The following FILIP1L variants were observed in gnomAD, a reference collection of about 807,000 sequenced individuals.
FILIP1L encodes the protein filamin A interacting protein 1 like, also known as filamin A-interacting protein 1-like.
FILIP1L carries 55 observed loss-of-function variants against 96.6 expected under a neutral mutation model. The ratio of observed to expected loss-of-function variants is 0.57; its 90% CI spans 0.46 to 0.71. The LOEUF is 0.71. Among genes scored for constraint, FILIP1L ranks in the 30% least tolerant of loss-of-function variants. The pLI, the probability that FILIP1L is intolerant of heterozygous loss-of-function variation, is 0.00. For missense variants in FILIP1L, 1,304 were observed against 1,321.2 expected (o/e 0.99, Z 0.20); for synonymous variants, 467 against 473.9 (o/e 0.99, Z 0.19).
At position 99,900,535 on chromosome 3, in the gene FILIP1L, G is replaced by A. The variant is rs1706401799; in HGVS notation, c.605+23695C>T. Among the ~76,000 whole-genome samples the A allele has an allele frequency of 3.3e-5, 5 of 152,178 alleles. No homozygotes were observed. The South Asian group carries it at 1.0e-3, about 31-fold the overall frequency. ...ATAGACAAGATTTCAAACCAAGGAA[G>A]TTTGGCCCCAAATGCCATACCTTTA... On this transcript the variant is annotated intron_variant, in intron 4 of 5. Coordinates refer to ENST00000477258, the MANE Select transcript of FILIP1L (RefSeq NM_001387850.1).
At chr3:99,924,201 G>A in intron 4 of FILIP1L, 29 bp downstream of exon 4, 1 of 1,596,162 alleles carries the variant, frequency 6.3e-7, no homozygotes, top group Non-Finnish European at 8.6e-7. Context: ...ATTGCAGAAT[G>A]GGACATTGTT....
chr3:99,983,446 GTATATATATATA>G (rs1442427209), intron 1 of FILIP1L, among the ~76,000 whole-genome samples: 40,412 of 87,798 alleles, frequency 0.46, 10,975 homozygotes, highest in Middle Eastern at 0.6. Flanking sequence ...ATATATGTAT[GTATATATATATA>G]TGTGTGTATA....
intron 1 of FILIP1L, among the ~76,000 whole-genome samples, chr3:100,019,026 T>C (rs1372106939): frequency 5.3e-5 from 8 of 152,104 alleles, no homozygotes; most frequent in Admixed American, 1.3e-4. Context: ...ATGACTGTTA[T>C]CAAAAAGATC....
chr3:99,992,797 G>A (rs751081664), intron 1 of FILIP1L, among the ~76,000 whole-genome samples: 2 of 151,970 alleles, frequency 1.3e-5, no homozygotes, highest in Non-Finnish European at 2.9e-5. Flanking sequence ...TATGGTTTCA[G>A]ATCTTACATT....
At chr3:99,836,687 C>G (rs1942912204) in intron 5 of FILIP1L, among the ~76,000 whole-genome samples, 1 of 152,206 alleles carries the variant, frequency 6.6e-6, no homozygotes, top group Non-Finnish European at 1.5e-5. Flanking sequence ...AAGAATATAA[C>G]TAGTTCTGAG....
intron 1 of FILIP1L, among the ~76,000 whole-genome samples, chr3:100,090,543 G>A (rs1285522956): frequency 1.3e-5 from 2 of 152,310 alleles, no homozygotes; most frequent in African/African-American, 4.8e-5. Flanking sequence ...CCAGTGGTAG[G>A]TTATGAAACT....
chr3:100,105,838 C>CAAGTAGTTTTTTGAAAGGAGTTGT, intron 1 of FILIP1L, among the ~76,000 whole-genome samples: 1 of 152,128 alleles, frequency 6.6e-6, no homozygotes, highest in African/African-American at 2.4e-5. Flanking sequence ...TCCTGGGATG[C>CAAGTAGTTTTTTGAAAGGAGTTGT]AAGTAGTTTT....
chr3:100,094,430 T>C (rs949968373), intron 1 of FILIP1L, among the ~76,000 whole-genome samples: 1 of 152,188 alleles, frequency 6.6e-6, no homozygotes, highest in African/African-American at 2.4e-5. Flanking sequence ...AGTCTTTTGT[T>C]TTGATACAGT....
At chr3:99,841,909 G>A (rs1342616459) in intron 5 of FILIP1L, among the ~76,000 whole-genome samples, 1 of 152,140 alleles carries the variant, frequency 6.6e-6, no homozygotes, top group Non-Finnish European at 1.5e-5. Context: ...GTACGAGCAT[G>A]GAAAACAGTG....
chr3:99,834,855 C>T (rs1942831976), intron 5 of FILIP1L, among the ~76,000 whole-genome samples: 1 of 152,128 alleles, frequency 6.6e-6, no homozygotes, highest in Non-Finnish European at 1.5e-5. Context: ...AACACTTTAC[C>T]CATGTAAACC....
chr3:99,859,723 G>T (rs563462042), intron 4 of FILIP1L, among the ~76,000 whole-genome samples: 28 of 152,252 alleles, frequency 1.8e-4, no homozygotes, highest in Admixed American at 8.5e-4. Flanking sequence ...CTAGCAGTTT[G>T]CAGAGTAATT....
At position 99,850,124 on chromosome 3, in the gene FILIP1L, A is replaced by AT. The variant is rs780900196; in HGVS notation, c.1551dup (p.Leu518IlefsTer14). The stretch of plus-strand genomic sequence containing the variant: ...TGAAGCTGAGAAGAAGCAGCTTGTA[A>AT]TTTATCTTCAGTTTTCTTTAATTTT... On this transcript the variant is annotated frameshift_variant, in exon 5 of 6. Transcript: ENST00000477258. LOFTEE classifies it high-confidence loss of function. 1 of 1,612,484 alleles carries AT rather than the reference A, an allele frequency of 6.2e-7. No individual in the cohort carries two copies. The highest frequency in any genetic ancestry group is 1.7e-5 in the Admixed American group (1 of 59,728).
intron 1 of FILIP1L, among the ~76,000 whole-genome samples, chr3:100,100,004 G>A (rs149817121): frequency 4.6e-5 from 7 of 152,298 alleles, no homozygotes; most frequent in African/African-American, 7.2e-5. Flanking sequence ...AAAAAAGTTT[G>A]ACACAGTTGT....
At chr3:99,945,031 A>C (rs1336691626) in intron 1 of FILIP1L, among the ~76,000 whole-genome samples, 3 of 152,196 alleles carry the variant, frequency 2.0e-5, no homozygotes, top group Non-Finnish European at 2.9e-5. Flanking sequence ...AACAGCTTTT[A>C]GACTCTGCTT....
At chr3:99,970,209 G>T (rs765867424) in intron 1 of FILIP1L, among the ~76,000 whole-genome samples, 1 of 152,216 alleles carries the variant, frequency 6.6e-6, no homozygotes, top group African/African-American at 2.4e-5. Context: ...TGAAGGCATA[G>T]AAATAATAAG....
chr3:99,983,480 A>ATGTGTG (rs1559713756), intron 1 of FILIP1L, among the ~76,000 whole-genome samples: 2 of 22,486 alleles, frequency 8.9e-5, no homozygotes, highest in Non-Finnish European at 1.9e-4. Flanking sequence ...ATATATATAT[A>ATGTGTG]TATATATATA....
intron 5 of FILIP1L, among the ~76,000 whole-genome samples, chr3:99,843,354 A>T (rs1258338359): frequency 6.6e-6 from 1 of 152,180 alleles, no homozygotes; most frequent in Non-Finnish European, 1.5e-5. Context: ...CACCCAATAA[A>T]ATGGAAGTTT....
intron 2 of FILIP1L, 21 bp downstream of exon 2, chr3:99,930,748 G>GATA (rs1707451564): frequency 6.2e-6 from 10 of 1,611,014 alleles, no homozygotes; most frequent in Non-Finnish European, 8.5e-6. Context: ...GCATGATGGG[G>GATA]ATAACTCCAA....
At chr3:99,916,334 G>A (rs1706948713) in intron 4 of FILIP1L, among the ~76,000 whole-genome samples, 1 of 152,022 alleles carries the variant, frequency 6.6e-6, no homozygotes, top group South Asian at 2.1e-4. Context: ...AGGTCTTTCG[G>A]CTACATGACT....
Sources: allele counts gnomAD v4.1 joint callset (sites outside exome capture counted in the v4.1 genomes callset), GRCh38; gene constraint gnomAD v4.1.1; transcripts MANE v1.5; gene names NCBI Gene and HGNC (gene_info 2026-07-23, HGNC 2026-07-21).